The following OLA1 variants were observed in gnomAD, a reference collection of about 807,000 sequenced individuals.
The protein encoded by OLA1 is obg-like ATPase 1.
A neutral mutation model predicts 48.4 loss-of-function variants in OLA1; 14 were observed. That is an observed-to-expected ratio of 0.29 (90% confidence interval 0.19 to 0.45). The LOEUF (loss-of-function observed/expected upper bound fraction) is 0.45, where lower values mean the gene tolerates loss of function less well. OLA1 is among the 20% of genes least tolerant of loss of function. The probability of loss-of-function intolerance (pLI) is 1.00; values close to 1 mark genes in which losing one functional copy is unlikely to be tolerated. For missense variants in OLA1, 325 were observed against 467.1 expected, an observed-to-expected ratio of 0.70 and a Z score of 2.80; for synonymous variants, 127 against 150.4, an observed-to-expected ratio of 0.84 and a Z score of 1.14.
chr2:174,134,803 T>TA (rs963943850), intron 5 of OLA1, among the ~76,000 whole-genome samples: 2 of 152,172 alleles, frequency 1.3e-5, no homozygotes, highest in Non-Finnish European at 2.9e-5. Flanking sequence ...TTTACCACAA[T>TA]AAAAAAGTTG....
At chr2:174,109,432 A>C (rs1685594461) in intron 7 of OLA1, among the ~76,000 whole-genome samples, 1 of 152,204 alleles carries the variant, frequency 6.6e-6, no homozygotes, top group African/African-American at 2.4e-5. Flanking sequence ...ATAATCATGA[A>C]CTGTGTAATT....
At chr2:174,088,877 AAAATAAATAAATAAATAAAT>A (rs5836449) in intron 7 of OLA1, among the ~76,000 whole-genome samples, 1 of 148,042 alleles carries the variant, frequency 6.8e-6, no homozygotes, top group African/African-American at 2.5e-5. Flanking sequence ...TCCTGTCTCA[AAAATAAATAAATAAATAAAT>A]AAATAAATAA....
intron 2 of OLA1, among the ~76,000 whole-genome samples, chr2:174,244,975 A>C (rs1559024039): frequency 6.6e-6 from 1 of 152,212 alleles, no homozygotes; most frequent in Non-Finnish European, 1.5e-5. Context: ...GGTTGAATCC[A>C]AGGATGTGAA....
intron 4 of OLA1, among the ~76,000 whole-genome samples, chr2:174,157,438 T>C (rs1391250798): frequency 6.6e-6 from 1 of 152,212 alleles, no homozygotes; most frequent in Non-Finnish European, 1.5e-5. Flanking sequence ...TGGTGTTATG[T>C]AGATGCCATT....
At position 174,174,863 on chromosome 2, in the gene OLA1, T is replaced by C. The variant is rs1024858846; in HGVS notation, c.374-32863A>G. On this transcript the variant is annotated intron_variant, in intron 4 of 10. Coordinates refer to ENST00000284719, the MANE Select transcript of OLA1 (RefSeq NM_013341.5). ...GTCAGAAGACCTACACTATCTAATT[T>C]TAAGACTTACTCTAAAGCTATAATA... Among the ~76,000 whole-genome samples, 4 of 152,130 alleles carry C rather than the reference T, an allele frequency of 2.6e-5. No individual in the cohort carries two copies. The South Asian group carries it at 8.3e-4, about 31-fold the overall frequency.
At chr2:174,144,953 T>A (rs4972432) in intron 4 of OLA1, among the ~76,000 whole-genome samples, 1,452 of 51,544 alleles carry the variant, frequency 0.028, 61 homozygotes, top group African/African-American at 0.081. Context: ...AAAAAAAAAA[T>A]ATATATATAT....
At chr2:174,218,943 C>T (rs1437467306) in intron 4 of OLA1, among the ~76,000 whole-genome samples, 4 of 151,400 alleles carry the variant, frequency 2.6e-5, no homozygotes, top group East Asian at 1.9e-4. Flanking sequence ...GCCTCAGCCT[C>T]GCAAGTAGCT....
At chr2:174,237,970 A>C (rs1387307489) in intron 2 of OLA1, among the ~76,000 whole-genome samples, 1 of 152,132 alleles carries the variant, frequency 6.6e-6, no homozygotes, top group Admixed American at 6.5e-5. Context: ...GAAAATTTTC[A>C]CCTCCATTAT....
intron 4 of OLA1, among the ~76,000 whole-genome samples, chr2:174,170,569 C>T (rs909250808): frequency 2.0e-5 from 3 of 152,082 alleles, no homozygotes; most frequent in Admixed American, 6.5e-5. Flanking sequence ...TAAAATAGAA[C>T]ACAATCATAT....
chr2:174,153,312 C>T (rs1686788649), intron 4 of OLA1, among the ~76,000 whole-genome samples: 1 of 151,998 alleles, frequency 6.6e-6, no homozygotes, highest in Admixed American at 6.5e-5. Flanking sequence ...TTGTTATTTT[C>T]TTCTAATTTT....
chr2:174,170,397 C>G (rs10201863), intron 4 of OLA1, among the ~76,000 whole-genome samples: 42,633 of 151,764 alleles, frequency 0.28, 6,718 homozygotes, highest in African/African-American at 0.44. Flanking sequence ...AAAATAAAAT[C>G]CTAACAGATA....
At chr2:174,179,251 C>A (rs1211853317) in intron 4 of OLA1, among the ~76,000 whole-genome samples, 1 of 150,948 alleles carries the variant, frequency 6.6e-6, no homozygotes, top group Non-Finnish European at 1.5e-5. Flanking sequence ...TTTATGGTTA[C>A]AGTTTGATAA....
chr2:174,193,713 C>G (rs2105425647), intron 4 of OLA1, among the ~76,000 whole-genome samples: 1 of 152,232 alleles, frequency 6.6e-6, no homozygotes, highest in South Asian at 2.1e-4. Context: ...AGAGTAATGT[C>G]TATTCTATTG....
intron 7 of OLA1, among the ~76,000 whole-genome samples, chr2:174,091,869 C>CAAAAAAAAAAAAAAAAAAAAAA (rs1174747360): frequency 8.7e-5 from 2 of 22,982 alleles, no homozygotes; most frequent in East Asian, 5.8e-4. Flanking sequence ...GACTCTGCCT[C>CAAAAAAAAAAAAAAAAAAAAAA]AAAAAAAAAA....
intron 7 of OLA1, among the ~76,000 whole-genome samples, chr2:174,098,742 C>T (rs1266527192): frequency 3.3e-5 from 5 of 152,018 alleles, no homozygotes; most frequent in East Asian, 1.9e-4. Flanking sequence ...TAAATAAGGA[C>T]GTACACAGAA....
chr2:174,123,051 AT>A, intron 7 of OLA1, 128 bp downstream of exon 7: 1 of 573,024 alleles, frequency 1.7e-6, no homozygotes, highest in Non-Finnish European at 3.1e-6. Context: ...TTTCTCATCC[AT>A]TTTAAACTTT....
intron 4 of OLA1, among the ~76,000 whole-genome samples, chr2:174,159,060 T>C (rs765404050): frequency 3.3e-5 from 5 of 152,214 alleles, no homozygotes; most frequent in Non-Finnish European, 5.9e-5. Context: ...CTTGCTAAAA[T>C]CAAGTCATCC....
intron 5 of OLA1, among the ~76,000 whole-genome samples, chr2:174,138,640 C>CA (rs1372227329): frequency 1.3e-5 from 2 of 152,062 alleles, no homozygotes; most frequent in Non-Finnish European, 2.9e-5. Context: ...AAAACAACAA[C>CA]AAAAACCCCC....
At position 174,075,325 on chromosome 2, in the gene OLA1, C is replaced by T. The variant is rs1684710083; in HGVS notation, c.*101G>A. 1.7e-6 allele frequency: 1 copy of T among 589,792 alleles called. No individual in the cohort carries two copies. Among genetic ancestry groups the T allele is most frequent in the South Asian group, 2.0e-5 (1 of 49,410 alleles). 36.5% of individuals were successfully genotyped at this position (589,792 alleles called of 1,614,324 possible). Reference sequence around the variant, plus strand: ...TAATTTGTTTGTCAAAGATTCCCATCTCCCCAACTTTATTTGTCGCATTGG... The same window carrying T: ...TAATTTGTTTGTCAAAGATTCCCATTTCCCCAACTTTATTTGTCGCATTGG... On this transcript the variant is annotated 3_prime_UTR_variant, in exon 11 of 11. Coordinates refer to ENST00000284719, the MANE Select transcript of OLA1 (RefSeq NM_013341.5).
Sources: gnomAD v4.1 joint callset for allele counts (sites outside exome capture counted in the v4.1 genomes callset) on GRCh38, gnomAD v4.1.1 for gene constraint, MANE v1.5 for transcripts, NCBI Gene and HGNC (gene_info 2026-07-23, HGNC 2026-07-21) for gene names.